CCR5AS: variants seen among roughly 807,000 people sequenced by gnomAD.
The protein encoded by CCR5AS is CCR5 antisense RNA.
intron 1 of CCR5AS, among the ~76,000 whole-genome samples, chr3:46,398,053 G>A (rs769058407): frequency 1.3e-5 from 2 of 152,120 alleles, no homozygotes; most frequent in Non-Finnish European, 2.9e-5. Context: ...GGGAAAAGGG[G>A]GACTAGAAGA....
exon 4 of CCR5AS, among the ~76,000 whole-genome samples, chr3:46,364,580 C>A (rs2106732732): frequency 6.6e-6 from 1 of 151,584 alleles, no homozygotes; most frequent in East Asian, 1.9e-4. Context: ...GTCCATGGAC[C>A]AAGACTTTCA....
In CCR5AS at chr3:46,395,784, C is replaced by T. The variant is rs562807072; in HGVS notation, n.164-2732G>A. Among the ~76,000 whole-genome samples, 3 of 152,344 alleles carry T rather than the reference C, an allele frequency of 2.0e-5. No homozygotes were observed. In the East Asian group the frequency reaches 5.8e-4, roughly 29 times the overall value. On this transcript the variant is annotated intron_variant and non_coding_transcript_variant, in intron 1 of 3. Coordinates refer to ENST00000451485, the Ensembl canonical transcript of CCR5AS. Reference sequence around the variant, plus strand: ...CCTGGTTCTGCCCCCAAGCCCTGGGCTCTCCTGAGAGGACAGGACCAGCCT... The same window carrying T: ...CCTGGTTCTGCCCCCAAGCCCTGGGTTCTCCTGAGAGGACAGGACCAGCCT...
At chr3:46,396,529 C>T (rs982238308) in intron 1 of CCR5AS, among the ~76,000 whole-genome samples, 2 of 152,206 alleles carry the variant, frequency 1.3e-5, no homozygotes, top group Non-Finnish European at 2.9e-5. Flanking sequence ...CTTTTCAAGC[C>T]AATGCATCTC....
At chr3:46,395,569 A>C (rs990492639) in intron 1 of CCR5AS, among the ~76,000 whole-genome samples, 17 of 152,192 alleles carry the variant, frequency 1.1e-4, no homozygotes, top group Non-Finnish European at 2.5e-4. Flanking sequence ...TGGAAAAAAC[A>C]TCCATGGAAC....
intron 2 of CCR5AS, among the ~76,000 whole-genome samples, chr3:46,384,282 C>T (rs1197748608): frequency 1.3e-5 from 2 of 152,302 alleles, no homozygotes; most frequent in South Asian, 2.1e-4. Context: ...TCTTTTATTA[C>T]GCAGACGGGG....
At chr3:46,373,732 A>C (rs1559568637) in intron 2 of CCR5AS, 30 of 1,614,042 alleles carry the variant, frequency 1.9e-5, no homozygotes, top group Non-Finnish European at 2.5e-5. Flanking sequence ...AGGTTGGACC[A>C]AGCTATGCAG....
At chr3:46,391,935 T>C (rs756178047) in intron 2 of CCR5AS, among the ~76,000 whole-genome samples, 1 of 151,828 alleles carries the variant, frequency 6.6e-6, no homozygotes. Context: ...GAGGAAAGAT[T>C]TGGGATGAGT....
chr3:46,365,616 C>A (rs1701591855), intron 3 of CCR5AS, among the ~76,000 whole-genome samples: 1 of 152,218 alleles, frequency 6.6e-6, no homozygotes. Context: ...CTGCCACAGT[C>A]CACTCTGTGT....
At chr3:46,387,620 G>A (rs570441622) in intron 2 of CCR5AS, among the ~76,000 whole-genome samples, 6 of 152,274 alleles carry the variant, frequency 3.9e-5, no homozygotes, top group Admixed American at 2.0e-4. Context: ...GTGGTGGTGT[G>A]CACCTGCAGT....
intron 2 of CCR5AS, among the ~76,000 whole-genome samples, chr3:46,385,906 A>G (rs1296886904): frequency 6.6e-6 from 1 of 151,724 alleles, no homozygotes; most frequent in Non-Finnish European, 1.5e-5. Context: ...ACGCCTAGCT[A>G]ATTTTTTGTA....
chr3:46,381,282 C>G (rs1156824424), intron 2 of CCR5AS, among the ~76,000 whole-genome samples: 4 of 152,162 alleles, frequency 2.6e-5, no homozygotes, highest in African/African-American at 4.8e-5. Context: ...TCTTCTCCCC[C>G]CATTTCCTTA....
intron 3 of CCR5AS, among the ~76,000 whole-genome samples, chr3:46,366,029 T>A (rs915478354): frequency 3.3e-5 from 5 of 152,208 alleles, no homozygotes; most frequent in African/African-American, 1.2e-4. Context: ...TCTTTGGCTT[T>A]GAGGAGAGAT....
At chr3:46,397,207 G>T (rs1701968965) in intron 1 of CCR5AS, among the ~76,000 whole-genome samples, 1 of 151,888 alleles carries the variant, frequency 6.6e-6, no homozygotes, top group African/African-American at 2.4e-5. Flanking sequence ...CACTGCTCCT[G>T]TGTGCTCCCC....
At chr3:46,387,178 C>T (rs541986092) in intron 2 of CCR5AS, among the ~76,000 whole-genome samples, 1 of 152,210 alleles carries the variant, frequency 6.6e-6, no homozygotes, top group African/African-American at 2.4e-5. Flanking sequence ...GTGTGTACTA[C>T]CCAAGATGAG....
intron 2 of CCR5AS, among the ~76,000 whole-genome samples, chr3:46,371,744 G>A (rs532949499): frequency 2.6e-5 from 4 of 150,994 alleles, no homozygotes; most frequent in Admixed American, 6.7e-5. Flanking sequence ...TCTTGGGTAT[G>A]TATGACAACT....
rs139366780 is a variant in CCR5AS at position 46,396,416 on chromosome 3, A to T, written n.164-3364T>A. ...GGTCTTGTGACATTGTGGCTTTAGA[A>T]ATTTCTGTTTCCATTTTCTATCATT... On this transcript the variant is annotated intron_variant and non_coding_transcript_variant, in intron 1 of 3. Coordinates refer to ENST00000451485, the Ensembl canonical transcript of CCR5AS. Among the ~76,000 whole-genome samples the T allele has an allele frequency of 5.2e-3, 794 of 152,236 alleles. 3 individuals are homozygous for T. The highest frequency in any genetic ancestry group is 8.4e-3 in the Non-Finnish European group (569 of 68,024).
At chr3:46,381,005 G>GT (rs35832571) in intron 2 of CCR5AS, among the ~76,000 whole-genome samples, 4,931 of 152,258 alleles carry the variant, frequency 0.032, 107 homozygotes, top group Non-Finnish European at 0.052. Context: ...CCCCAAGCTG[G>GT]TTTTTTTAAA....
chr3:46,395,523 C>T (rs773384090), intron 1 of CCR5AS, among the ~76,000 whole-genome samples: 8 of 152,094 alleles, frequency 5.3e-5, no homozygotes, highest in South Asian at 2.1e-4. Flanking sequence ...GTGTCAGCAA[C>T]GTCAAATGTT....
chr3:46,369,638 C>T (rs1575277629), intron 3 of CCR5AS, among the ~76,000 whole-genome samples: 2 of 152,300 alleles, frequency 1.3e-5, no homozygotes, highest in Non-Finnish European at 2.9e-5. Context: ...CTCTCTCTGA[C>T]AAAGGACTGC....
Sources: allele counts gnomAD v4.1 joint callset (sites outside exome capture counted in the v4.1 genomes callset), GRCh38; gene constraint gnomAD v4.1.1; transcripts MANE v1.5; gene names NCBI Gene and HGNC (gene_info 2026-07-23, HGNC 2026-07-21).